BMPR2: variants seen among roughly 807,000 people sequenced by gnomAD.
The protein encoded by BMPR2 is bone morphogenetic protein receptor type 2, also known as bone morphogenetic protein receptor type-2.
BMPR2 carries 29 observed loss-of-function variants against 100.8 expected under a neutral mutation model. The observed-to-expected ratio is 0.29, with a 90% confidence interval of 0.21 to 0.39. The LOEUF is 0.39. Among genes scored for constraint, BMPR2 ranks in the 10% least tolerant of loss-of-function variants. The pLI is 1.00. For missense variants in BMPR2, 1,011 were observed against 1,274.5 expected, an observed-to-expected ratio of 0.79 and a Z score of 3.15; for synonymous variants, 382 against 442.3, an observed-to-expected ratio of 0.86 and a Z score of 1.71.
At chr2:202,469,974 CTT>C (rs1692402551) in intron 3 of BMPR2, among the ~76,000 whole-genome samples, 1 of 152,138 alleles carries the variant, frequency 6.6e-6, no homozygotes, top group Admixed American at 6.5e-5. Context: ...ATACTGAACT[CTT>C]TTGAGAAGAT....
chr2:202,447,386 A>G (rs940260645), intron 1 of BMPR2, among the ~76,000 whole-genome samples: 1 of 150,630 alleles, frequency 6.6e-6, no homozygotes, highest in African/African-American at 2.5e-5. Flanking sequence ...CAACCTAAAT[A>G]TATCTATAGA....
chr2:202,424,851 A>G (rs1574441594), intron 1 of BMPR2, among the ~76,000 whole-genome samples: 1 of 152,348 alleles, frequency 6.6e-6, no homozygotes. Flanking sequence ...AAATACCATT[A>G]TAAGACCTAG....
intron 3 of BMPR2, among the ~76,000 whole-genome samples, chr2:202,492,725 CA>C (rs796078041): frequency 1.6e-4 from 18 of 111,654 alleles, no homozygotes; most frequent in East Asian, 7.3e-4. Flanking sequence ...AAAAAAAAAC[CA>C]AAAAAAAAAA....
At chr2:202,482,201 CATTT>C (rs1407591989) in intron 3 of BMPR2, among the ~76,000 whole-genome samples, 2 of 152,112 alleles carry the variant, frequency 1.3e-5, no homozygotes, top group South Asian at 2.1e-4. Flanking sequence ...GTAAATACTA[CATTT>C]ATTCATCCAT....
At chr2:202,488,488 T>A (rs1000402554) in intron 3 of BMPR2, among the ~76,000 whole-genome samples, 1 of 152,206 alleles carries the variant, frequency 6.6e-6, no homozygotes, top group Non-Finnish European at 1.5e-5. Context: ...AGTCAGGTTC[T>A]CACTCTGTCT....
intron 10 of BMPR2, among the ~76,000 whole-genome samples, chr2:202,546,006 A>T (rs1202470445): frequency 6.6e-6 from 1 of 152,200 alleles, no homozygotes; most frequent in Non-Finnish European, 1.5e-5. Flanking sequence ...CGCAAATGGG[A>T]TCTATTATTT....
rs1688576017 is a variant in BMPR2 at position 202,556,532 on chromosome 2, G to A, written c.2866+1G>A. On this transcript the variant is annotated splice_donor_variant, in intron 12 of 12. Transcript: ENST00000374580. LOFTEE classifies it high-confidence loss of function. ...GTCCTGGATGGCAGCAGTATACAGAGTAAGTGGAGGGATCATATAATCTCT... is the reference window on the plus strand; with the variant it reads ...GTCCTGGATGGCAGCAGTATACAGAATAAGTGGAGGGATCATATAATCTCT... 1 of 1,611,454 alleles carries A rather than the reference G, an allele frequency of 6.2e-7. No homozygotes were observed. Among genetic ancestry groups the A allele is most frequent in the Non-Finnish European group, 8.5e-7 (1 of 1,180,006 alleles).
chr2:202,535,864 C>T (rs1386922551), intron 9 of BMPR2, among the ~76,000 whole-genome samples: 2 of 152,246 alleles, frequency 1.3e-5, no homozygotes, highest in Non-Finnish European at 2.9e-5. Context: ...TGGCGGATCA[C>T]TCGCGGTTAG....
At chr2:202,535,841 G>A (rs544746382) in intron 9 of BMPR2, among the ~76,000 whole-genome samples, 117 of 152,308 alleles carry the variant, frequency 7.7e-4, no homozygotes, top group African/African-American at 2.5e-3. Context: ...CCGGCACCTC[G>A]GGAGGCCGAG....
intron 8 of BMPR2, among the ~76,000 whole-genome samples, 178 bp downstream of exon 8, chr2:202,531,132 G>A (rs144857789): frequency 2.6e-5 from 4 of 152,214 alleles, no homozygotes; most frequent in African/African-American, 4.8e-5. Context: ...GCGAAACCCC[G>A]TCTCTACTAA....
At chr2:202,497,922 G>A (rs965047669) in intron 3 of BMPR2, among the ~76,000 whole-genome samples, 1 of 152,110 alleles carries the variant, frequency 6.6e-6, no homozygotes, top group African/African-American at 2.4e-5. Flanking sequence ...GTCACAGTGG[G>A]GACTACCTGG....
Position 202,382,430 on chromosome 2 carries a change from A to G in BMPR2, c.76+4880A>G, listed in dbSNP as rs562142991. ...GGTCTCAAACTCCTTACCTCAGCTG[A>G]TCCACCCACCTTGGCCTCCCAAAGT... On this transcript the variant is annotated intron_variant, in intron 1 of 12. Transcript: ENST00000374580. Among the ~76,000 whole-genome samples the G allele has an allele frequency of 2.3e-4, 35 of 152,182 alleles. No individual in the cohort carries two copies. In the South Asian group the frequency reaches 5.6e-3, roughly 24 times the overall value.
intron 5 of BMPR2, among the ~76,000 whole-genome samples, chr2:202,517,189 C>A (rs1687727331): frequency 6.7e-6 from 1 of 150,014 alleles, no homozygotes; most frequent in Non-Finnish European, 1.5e-5. Context: ...CACTGCACTC[C>A]AGCCTGAGTG....
intron 10 of BMPR2, among the ~76,000 whole-genome samples, chr2:202,546,238 T>TA (rs1559071373): frequency 6.6e-6 from 1 of 152,182 alleles, no homozygotes; most frequent in African/African-American, 2.4e-5. Flanking sequence ...ACATAGTTTA[T>TA]AAAAAGAGAG....
chr2:202,454,906 C>G (rs1444458552), intron 1 of BMPR2, among the ~76,000 whole-genome samples: 2 of 152,194 alleles, frequency 1.3e-5, no homozygotes, highest in East Asian at 1.9e-4. Flanking sequence ...GATCAAGGTG[C>G]TAGATGACTT....
rs1262394684 is a variant in BMPR2, at chr2:202,495,519, G to A, written c.419-18200G>A. ...TGGCCGCCTGTGTGTCTGCCTGCTA[G>A]GGTCTCGGGTTTTTATAGGCCCAGG... On this transcript the variant is annotated intron_variant, in intron 3 of 12. Transcript: ENST00000374580. The surrounding 1 kb of genome is among the most constrained non-coding windows in gnomAD (Gnocchi z 4.5). Among the ~76,000 whole-genome samples the A allele has an allele frequency of 6.6e-6, 1 of 152,160 alleles. No homozygotes were observed. Among genetic ancestry groups the A allele is most frequent in the Non-Finnish European group, 1.5e-5 (1 of 68,034 alleles).
At chr2:202,446,169 G>A (rs534568564) in intron 1 of BMPR2, among the ~76,000 whole-genome samples, 3 of 150,684 alleles carry the variant, frequency 2.0e-5, no homozygotes, top group African/African-American at 7.5e-5. Flanking sequence ...GGGAGGCTGA[G>A]GTGGGCGGAT....
intron 1 of BMPR2, among the ~76,000 whole-genome samples, chr2:202,424,376 GA>G (rs55785585): frequency 0.52 from 73,170 of 142,050 alleles, 18,483 homozygotes; most frequent in African/African-American, 0.61. Flanking sequence ...TTCGTCTGAA[GA>G]AAAAAAAAAA....
At chr2:202,558,709 C>T (rs993090089) in intron 12 of BMPR2, among the ~76,000 whole-genome samples, 1 of 150,660 alleles carries the variant, frequency 6.6e-6, no homozygotes, top group African/African-American at 2.4e-5. Context: ...ACCTGACCAA[C>T]ATGGAGAAAC....
Sources: gnomAD v4.1 joint callset for allele counts (sites outside exome capture counted in the v4.1 genomes callset) on GRCh38, gnomAD v4.1.1 for gene constraint, Gnocchi (gnomAD v3.1) non-coding constraint, MANE v1.5 for transcripts, NCBI Gene and HGNC (gene_info 2026-07-23, HGNC 2026-07-21) for gene names.